Variants in ERRFI1 observed in about 807,000 individuals in gnomAD.
The protein encoded by ERRFI1 is ERBB receptor feedback inhibitor 1, also known as mitogen-inducible gene 6 protein.
ERRFI1 carries 12 observed loss-of-function variants against 14.6 expected under a neutral mutation model. The ratio of observed to expected loss-of-function variants is 0.82; its 90% CI spans 0.53 to 1.33. The LOEUF is 1.33. Among genes scored for constraint, ERRFI1 ranks in the 40% most tolerant of loss-of-function variants. The pLI is 0.00. For synonymous variants in ERRFI1, 202 were observed against 209.9 expected (o/e 0.96, Z 0.32); for missense variants, 482 against 572.1 (o/e 0.84, Z 1.61).
In ERRFI1 at chr1:8,014,700, T is replaced by C. The variant is rs1641147379; in HGVS notation, c.203-304A>G. The C allele has an allele frequency of 2.8e-5, 10 of 353,100 alleles. No homozygotes were observed. The South Asian group carries it at 4.7e-4, about 16-fold the overall frequency. The allele number at this position is 353,100 out of a possible 1,614,324, so 21.9% of individuals were successfully genotyped here. On this transcript the variant is annotated intron_variant, in intron 3 of 3. Coordinates refer to ENST00000377482, the MANE Select transcript of ERRFI1 (RefSeq NM_018948.4). ...GTGTGTAAAATTCGCGGAAGATGAA[T>C]AGCATATAATTTACATGAATACCAT...
intron 1 of ERRFI1, among the ~76,000 whole-genome samples, chr1:8,024,353 TATCA>T (rs1328290900): frequency 6.6e-6 from 1 of 152,154 alleles, no homozygotes; most frequent in Non-Finnish European, 1.5e-5. Flanking sequence ...CCGTCAAAAA[TATCA>T]ATAATTCAGG....
chr1:8,018,638 C>T (rs566957345), intron 1 of ERRFI1, among the ~76,000 whole-genome samples: 130 of 152,284 alleles, frequency 8.5e-4, no homozygotes, highest in Non-Finnish European at 1.6e-3. Context: ...CCCAAATAAC[C>T]TTCAGCATAA....
chr1:8,026,135 C>A (rs943483911), intron 1 of ERRFI1, 23 bp downstream of exon 1: 1 of 151,782 alleles, frequency 6.6e-6, no homozygotes, highest in Non-Finnish European at 1.5e-5. Flanking sequence ...CTCCCCACCC[C>A]CTCAGCGCGC....
Position 8,012,372 on chromosome 1 carries a change from T to C in ERRFI1, c.*838A>G, listed in dbSNP as rs1641097265. 4.3e-6 allele frequency: 1 copy of C among 230,616 alleles called. No homozygotes were observed. The highest frequency in any genetic ancestry group is 5.7e-5 in the Admixed American group (1 of 17,684). 14.3% of individuals were successfully genotyped at this position (230,616 alleles called of 1,614,324 possible). On this transcript the variant is annotated 3_prime_UTR_variant, in exon 4 of 4. Coordinates refer to ENST00000377482, the MANE Select transcript of ERRFI1 (RefSeq NM_018948.4). ...GACATCCTAACACTGGCACCTAGAA[T>C]ACTTTTCCATCTGAGTCTAACGTAC...
intron 1 of ERRFI1, among the ~76,000 whole-genome samples, chr1:8,022,976 G>A (rs1348659108): frequency 6.6e-6 from 1 of 152,082 alleles, no homozygotes; most frequent in African/African-American, 2.4e-5. Flanking sequence ...AAACAAGCAG[G>A]GTACAGCAGC....
chr1:8,014,454 G>A (rs2124063434), intron 3 of ERRFI1, 58 bp from the exon 4 acceptor site: 1 of 1,460,332 alleles, frequency 6.8e-7, no homozygotes. Flanking sequence ...ACCTGTGTGA[G>A]GGAGAGAGCA....
intron 1 of ERRFI1, among the ~76,000 whole-genome samples, chr1:8,019,896 T>C (rs1641251930): frequency 2.6e-5 from 4 of 152,156 alleles, no homozygotes; most frequent in Non-Finnish European, 2.9e-5. Context: ...GGGGGTACTT[T>C]CTTAAAACAG....
In ERRFI1 at chr1:8,012,001, T is replaced by G. The variant is rs1641091595; in HGVS notation, c.*1209A>C. On this transcript the variant is annotated 3_prime_UTR_variant, in exon 4 of 4. Coordinates refer to ENST00000377482, the MANE Select transcript of ERRFI1 (RefSeq NM_018948.4). Reference sequence around the variant, plus strand: ...CTCTGTTAGTGAGCACCTTCTCTTCTGTGCTTATCTCTTCAAGATAAATAC... The same window carrying G: ...CTCTGTTAGTGAGCACCTTCTCTTCGGTGCTTATCTCTTCAAGATAAATAC... 4.4e-6 allele frequency: 1 copy of G among 229,440 alleles called. No individual in the cohort carries two copies. The highest frequency in any genetic ancestry group is 8.7e-6 in the Non-Finnish European group (1 of 115,344). 14.2% of individuals were successfully genotyped at this position (229,440 alleles called of 1,614,324 possible). A position where few individuals can be genotyped will look rare whatever the true frequency, so the allele number is the denominator to read the frequency against.
rs1485953077 is a variant in ERRFI1 at position 8,013,040 on chromosome 1, T to C, written c.*170A>G. ...TTTTCCAACACTAACAAAGTCAGGG[T>C]TTCTCAGCATAACAGCATCTCACAA... is the stretch of plus-strand genomic sequence containing the variant. On this transcript the variant is annotated 3_prime_UTR_variant, in exon 4 of 4. Transcript: ENST00000377482. The surrounding 1 kb of genome is among the most constrained non-coding windows in gnomAD (Gnocchi z 4.3). 1.7e-6 allele frequency: 1 copy of C among 599,908 alleles called. No homozygotes were observed. 37.2% of individuals were successfully genotyped at this position (599,908 alleles called of 1,614,324 possible). A position where few individuals can be genotyped will look rare whatever the true frequency, so the allele number is the denominator to read the frequency against.
rs1275338954 is a variant in ERRFI1 at position 8,013,976 on chromosome 1, T to C, written c.623A>G (p.Asn208Ser). ...AGCTGGGGTATCAAAATATGCATAG[T>C]TGATTTGTCCACACCCACGGAAGCT... Reference protein sequence around the residue: ...RRSFRGCGQINYAYFDTPAVS... With the variant: ...RRSFRGCGQISYAYFDTPAVS... The change falls in exon 4 of 4, where the codon AAC (asparagine) becomes AGC (serine). Residue 208 changes from asparagine (N) to serine (S), a missense_variant. By Grantham distance (46) the Asn-to-Ser change is conservative. Coordinates refer to ENST00000377482, the MANE Select transcript of ERRFI1 (RefSeq NM_018948.4). The surrounding 1 kb of genome is among the most constrained non-coding windows in gnomAD (Gnocchi z 4.3). 1.2e-6 allele frequency: 2 copies of C among 1,614,098 alleles called. No homozygotes were observed. Among genetic ancestry groups the C allele is most frequent in the Non-Finnish European group, 1.7e-6 (2 of 1,180,030 alleles).
intron 2 of ERRFI1, 33 bp downstream of exon 2, chr1:8,015,462 C>T (rs1158840069): frequency 1.4e-5 from 23 of 1,613,988 alleles, no homozygotes; most frequent in Non-Finnish European, 1.9e-5. Context: ...ACATATTTAT[C>T]CAGATTACAG....
Position 8,014,060 on chromosome 1 carries a change from T to G in ERRFI1, c.539A>C (p.Asp180Ala), listed in dbSNP as rs1242779725. The G allele has an allele frequency of 6.2e-7, 1 of 1,613,964 alleles. No individual in the cohort carries two copies. Among genetic ancestry groups the G allele is most frequent in the Non-Finnish European group, 8.5e-7 (1 of 1,180,034 alleles). The change falls in exon 4 of 4, where the codon GAC (aspartate) becomes GCC (alanine). Residue 180 changes from aspartate to alanine, a missense_variant. Asp to Ala is a moderately radical substitution (Grantham distance 126). Coordinates refer to ENST00000377482, the MANE Select transcript of ERRFI1 (RefSeq NM_018948.4). ...EVEFLTSSDTDFLLEDSTLSD... is the reference protein window; with the variant it reads ...EVEFLTSSDTAFLLEDSTLSD... ...AAGTGTAGAGTCTTCTAAAAGGAAG[T>G]CTGTATCTGAGCTAGTTAGGAATTC...
intron 1 of ERRFI1, among the ~76,000 whole-genome samples, chr1:8,019,647 G>T (rs1321276800): frequency 6.6e-6 from 1 of 152,212 alleles, no homozygotes; most frequent in East Asian, 1.9e-4. Context: ...AGTCAGTGAA[G>T]AGCTCAGGGG....
chr1:8,021,378 T>C (rs1457193656), intron 1 of ERRFI1, among the ~76,000 whole-genome samples: 2 of 152,200 alleles, frequency 1.3e-5, no homozygotes, highest in Non-Finnish European at 2.9e-5. Flanking sequence ...AGCAGAAAAG[T>C]AGGATAGCAG....
At chr1:8,014,455 G>A in intron 3 of ERRFI1, 59 bp from the exon 4 acceptor site, 1 of 1,461,168 alleles carries the variant, frequency 6.8e-7, no homozygotes, top group South Asian at 1.4e-5. Flanking sequence ...CCTGTGTGAG[G>A]GAGAGAGCAC....
intron 1 of ERRFI1, 103 bp from the exon 2 acceptor site, chr1:8,015,795 TGAATA>T (rs1641165296): frequency 2.8e-6 from 2 of 724,148 alleles, no homozygotes; most frequent in Non-Finnish European, 4.3e-6. Flanking sequence ...TGGGGGATGC[TGAATA>T]GAAAAAATTA....
At position 8,011,840 on chromosome 1, in the gene ERRFI1, ATT is replaced by A. The variant is rs1259054421; in HGVS notation, c.*1368_*1369del. The A allele has an allele frequency of 4.6e-6, 1 of 218,350 alleles. No individual in the cohort carries two copies. The highest frequency in any genetic ancestry group is 9.2e-6 in the Non-Finnish European group (1 of 108,422). 13.5% of individuals were successfully genotyped at this position (218,350 alleles called of 1,614,324 possible). A position where few individuals can be genotyped will look rare whatever the true frequency, so the allele number is the denominator to read the frequency against. ...GTACACATAATGCAGAAATCAGTGC[ATT>A]TTTCTTAAGCATGTTTTAACCTTCA... is the stretch of plus-strand genomic sequence containing the variant. On this transcript the variant is annotated 3_prime_UTR_variant, in exon 4 of 4. Transcript: ENST00000377482.
At chr1:8,015,447 GT>G in intron 2 of ERRFI1, 47 bp downstream of exon 2, 1 of 1,614,088 alleles carries the variant, frequency 6.2e-7, no homozygotes, top group Non-Finnish European at 8.5e-7. Context: ...TCCCATTTTA[GT>G]GTCACATATT....
rs756355146 is a variant in ERRFI1, at chr1:8,013,974, A to G, written c.625T>C (p.Tyr209His). ...ACAGCTGGGGTATCAAAATATGCAT[A>G]GTTGATTTGTCCACACCCACGGAAG... Reference protein sequence around the residue: ...RSFRGCGQINYAYFDTPAVSA... With the variant: ...RSFRGCGQINHAYFDTPAVSA... Residue 209 changes from tyrosine (Y) to histidine (H), a missense_variant, in exon 4 of 4, where the codon TAT (tyrosine) becomes CAT (histidine). Transcript: ENST00000377482. The surrounding 1 kb of genome is among the most constrained non-coding windows in gnomAD (Gnocchi z 4.3). 1 of 1,614,206 alleles carries G rather than the reference A, an allele frequency of 6.2e-7. No homozygotes were observed. Among genetic ancestry groups the G allele is most frequent in the Non-Finnish European group, 8.5e-7 (1 of 1,180,026 alleles).
Sources: allele counts gnomAD v4.1 joint callset (sites outside exome capture counted in the v4.1 genomes callset), GRCh38; gene constraint gnomAD v4.1.1; non-coding constraint Gnocchi (gnomAD v3.1); transcripts MANE v1.5; gene names NCBI Gene and HGNC (gene_info 2026-07-23, HGNC 2026-07-21).